The following KIF15 variants were observed in gnomAD, a reference collection of about 807,000 sequenced individuals.
KIF15 encodes the protein kinesin family member 15.
Under a neutral mutation model 190.6 loss-of-function variants are expected in KIF15, and 140 were observed. The ratio of observed to expected loss-of-function variants is 0.73; its 90% CI spans 0.64 to 0.84. The LOEUF is 0.84. Among genes scored for constraint, KIF15 ranks in the 40% least tolerant of loss-of-function variants. The pLI is 0.00. For synonymous variants in KIF15, 528 were observed against 551.3 expected (o/e 0.96, Z 0.59); for missense variants, 1,372 against 1,584.4 (o/e 0.87, Z 2.28).
chr3:44,812,788 C>T (rs1007297537), intron 18 of KIF15, among the ~76,000 whole-genome samples: 1 of 152,270 alleles, frequency 6.6e-6, no homozygotes, highest in Middle Eastern at 3.4e-3. Flanking sequence ...AGATCAAGAC[C>T]AGCCTGGCCA....
In KIF15 at chr3:44,827,441, A is replaced by G. The variant is rs1009454017; in HGVS notation, c.2787-18A>G. Reference sequence around the variant, plus strand: ...CATTGAGTGAAGTCAGGGGTAAAAGATAATTATTCTCTTCCAGAGAAATCT... The same window carrying G: ...CATTGAGTGAAGTCAGGGGTAAAAGGTAATTATTCTCTTCCAGAGAAATCT... On this transcript the variant is annotated intron_variant, in intron 22 of 34. Coordinates refer to ENST00000326047, the MANE Select transcript of KIF15 (RefSeq NM_020242.3). 6.4e-7 allele frequency: 1 copy of G among 1,573,706 alleles called. No individual in the cohort carries two copies. Among genetic ancestry groups the G allele is most frequent in the Admixed American group, 1.7e-5 (1 of 59,136 alleles).
chr3:44,798,456 G>A (rs1405667500), intron 10 of KIF15, among the ~76,000 whole-genome samples: 2 of 151,726 alleles, frequency 1.3e-5, no homozygotes, highest in East Asian at 1.9e-4. Flanking sequence ...GACTACAGGC[G>A]CCCACCACCA....
chr3:44,778,570 A>G (rs1448512826), intron 4 of KIF15, among the ~76,000 whole-genome samples: 1 of 152,206 alleles, frequency 6.6e-6, no homozygotes, highest in African/African-American at 2.4e-5. Context: ...TTAGGGACTA[A>G]TGATTAGATT....
intron 19 of KIF15, among the ~76,000 whole-genome samples, chr3:44,814,093 G>T (rs1234248958): frequency 6.6e-6 from 1 of 152,092 alleles, no homozygotes; most frequent in Non-Finnish European, 1.5e-5. Context: ...GCAGTGGTTT[G>T]TAATAAAGCT....
At chr3:44,802,459 G>A (rs565948812) in intron 13 of KIF15, among the ~76,000 whole-genome samples, 3 of 152,016 alleles carry the variant, frequency 2.0e-5, no homozygotes, top group Middle Eastern at 3.4e-3. Flanking sequence ...TTTGCACTTC[G>A]CCTTTTTCAG....
chr3:44,768,854 G>A (rs917619082), intron 1 of KIF15, among the ~76,000 whole-genome samples: 15 of 152,074 alleles, frequency 9.9e-5, no homozygotes, highest in Non-Finnish European at 5.9e-5. Context: ...ACCTGAAGGC[G>A]AGAAGAGACA....
Position 44,852,807 on chromosome 3 carries a change from C to A in KIF15, c.*72C>A. 8.0e-7 allele frequency: 1 copy of A among 1,248,868 alleles called. No individual in the cohort carries two copies. The highest frequency in any genetic ancestry group is 1.3e-5 in the South Asian group (1 of 74,222). The allele number at this position is 1,248,868 out of a possible 1,614,324, so 77.4% of individuals were successfully genotyped here. On this transcript the variant is annotated 3_prime_UTR_variant, in exon 35 of 35. Coordinates refer to ENST00000326047, the MANE Select transcript of KIF15 (RefSeq NM_020242.3). ...TTCTCTTTTACAAGTAAGACCTACT[C>A]CTGGCCACTTAGGAGAGCTGAATTT...
chr3:44,819,098 A>G (rs1170721172), intron 20 of KIF15, among the ~76,000 whole-genome samples: 8 of 151,954 alleles, frequency 5.3e-5, no homozygotes, highest in Non-Finnish European at 1.0e-4. Context: ...TATCCCCTTT[A>G]TCATTTTTTA....
chr3:44,843,563 A>G (rs1219631569), intron 30 of KIF15, among the ~76,000 whole-genome samples: 2 of 152,240 alleles, frequency 1.3e-5, no homozygotes, highest in Non-Finnish European at 2.9e-5. Flanking sequence ...TTGCAGAGAA[A>G]GGGAGAATTC....
intron 6 of KIF15, among the ~76,000 whole-genome samples, chr3:44,866,904 T>C (rs1373891058): frequency 6.6e-6 from 1 of 152,222 alleles, no homozygotes; most frequent in Non-Finnish European, 1.5e-5. Context: ...TACTTGCTCT[T>C]ACCCTTGCCT....
At chr3:44,826,221 CTG>C (rs758706073) in intron 21 of KIF15, 32 bp downstream of exon 21, 1 of 1,560,750 alleles carries the variant, frequency 6.4e-7, no homozygotes, top group Non-Finnish European at 8.6e-7. Flanking sequence ...TGTCCCGCAT[CTG>C]TGACTGTCCT....
chr3:44,861,282 C>T (rs775058175), intron 6 of KIF15, among the ~76,000 whole-genome samples: 1 of 152,256 alleles, frequency 6.6e-6, no homozygotes, highest in African/African-American at 2.4e-5. Context: ...TGAGCCACCA[C>T]GCCCAGCCGG....
chr3:44,838,468 G>A, intron 27 of KIF15, 47 bp downstream of exon 27: 1 of 1,574,972 alleles, frequency 6.3e-7, no homozygotes, highest in Non-Finnish European at 8.6e-7. Context: ...AAGAGACCAA[G>A]TGTAGTGGCT....
chr3:44,858,763 T>C (rs1699212149), intron 6 of KIF15, among the ~76,000 whole-genome samples: 1 of 152,156 alleles, frequency 6.6e-6, no homozygotes, highest in South Asian at 2.1e-4. Context: ...TAGCCGTCAA[T>C]ACCCACAACA....
intron 1 of KIF15, among the ~76,000 whole-genome samples, chr3:44,767,027 G>A (rs1236046761): frequency 3.3e-5 from 5 of 151,898 alleles, no homozygotes. Flanking sequence ...AGCCAGGGTG[G>A]TCTCGATCTC....
chr3:44,811,538 G>A (rs917779237), intron 17 of KIF15, among the ~76,000 whole-genome samples: 12 of 152,050 alleles, frequency 7.9e-5, no homozygotes, highest in Non-Finnish European at 1.2e-4. Context: ...CCAGCTACTC[G>A]GGAGGCTGAG....
chr3:44,793,180 C>T (rs1040885938), intron 7 of KIF15, among the ~76,000 whole-genome samples: 1 of 152,110 alleles, frequency 6.6e-6, no homozygotes, highest in African/African-American at 2.4e-5. Context: ...AATATGAAGG[C>T]TGAGGCTTGA....
intron 20 of KIF15, among the ~76,000 whole-genome samples, chr3:44,821,331 G>T (rs1423578848): frequency 6.6e-6 from 1 of 151,870 alleles, no homozygotes; most frequent in Non-Finnish European, 1.5e-5. Flanking sequence ...CCTGGACGGG[G>T]TGGCTGCGGG....
Position 44,823,639 on chromosome 3 carries a change from C to G in KIF15, c.2550-2400C>G, listed in dbSNP as rs943635745. ...CACAGGTGGAATCTATAGAGGCAGC[C>G]GGCCTTGCTGAGCTGTGGTGGGCTC... On this transcript the variant is annotated intron_variant, in intron 20 of 34. Coordinates refer to ENST00000326047, the MANE Select transcript of KIF15 (RefSeq NM_020242.3). Among the ~76,000 whole-genome samples, 49 of 152,196 alleles carry G rather than the reference C, an allele frequency of 3.2e-4. 1 individual carries two copies. Among genetic ancestry groups the G allele is most frequent in the Non-Finnish European group, 6.3e-4 (43 of 68,020 alleles).
Sources: gnomAD v4.1 joint callset for allele counts (sites outside exome capture counted in the v4.1 genomes callset) on GRCh38, gnomAD v4.1.1 for gene constraint, MANE v1.5 for transcripts, NCBI Gene and HGNC (gene_info 2026-07-23, HGNC 2026-07-21) for gene names.